Variants in THEMIS observed in about 807,000 individuals in gnomAD.
The protein encoded by THEMIS is thymocyte selection associated, also known as protein THEMIS.
Under a neutral mutation model 52.6 loss-of-function variants are expected in THEMIS, and 37 were observed. The ratio of observed to expected loss-of-function variants is 0.70; its 90% CI spans 0.54 to 0.93. The LOEUF (loss-of-function observed/expected upper bound fraction) is 0.93. Among genes scored for constraint, THEMIS ranks in the 40% least tolerant of loss-of-function variants. The pLI, the probability that THEMIS is intolerant of heterozygous loss-of-function variation, is 0.00. For synonymous variants in THEMIS, 292 were observed against 272.7 expected, an observed-to-expected ratio of 1.07 and a Z score of -0.70; for missense variants, 808 against 763.1, an observed-to-expected ratio of 1.06 and a Z score of -0.69.
At chr6:127,744,811 A>T (rs1420580492) in intron 4 of THEMIS, among the ~76,000 whole-genome samples, 1 of 151,854 alleles carries the variant, frequency 6.6e-6, no homozygotes, top group Non-Finnish European at 1.5e-5. Flanking sequence ...TTAAAAGGGT[A>T]GATCCCATGT....
At chr6:127,793,602 C>G (rs1281048217) in intron 4 of THEMIS, among the ~76,000 whole-genome samples, 5 of 152,192 alleles carry the variant, frequency 3.3e-5, no homozygotes, top group Admixed American at 3.3e-4. Context: ...TACCATCCCT[C>G]AAAATACCGC....
At chr6:127,769,352 G>GTTTTTTTTTTTTTTTTTTTTT (rs200806423) in intron 4 of THEMIS, among the ~76,000 whole-genome samples, 1 of 139,986 alleles carries the variant, frequency 7.1e-6, no homozygotes, top group Non-Finnish European at 1.6e-5. Flanking sequence ...GTTTTTTTTT[G>GTTTTTTTTTTTTTTTTTTTTT]TTTTTTTTTT....
At chr6:127,835,385 T>C (rs1778842550) in intron 2 of THEMIS, among the ~76,000 whole-genome samples, 1 of 152,172 alleles carries the variant, frequency 6.6e-6, no homozygotes, top group Non-Finnish European at 1.5e-5. Flanking sequence ...TTCCTTAACA[T>C]GTATACTTCA....
At chr6:127,757,074 G>C (rs912739225) in intron 4 of THEMIS, among the ~76,000 whole-genome samples, 4 of 152,106 alleles carry the variant, frequency 2.6e-5, no homozygotes, top group Non-Finnish European at 5.9e-5. Flanking sequence ...TTCTATATCT[G>C]TTTCTCCATT....
intron 4 of THEMIS, among the ~76,000 whole-genome samples, chr6:127,796,129 T>C (rs1477044001): frequency 2.0e-5 from 3 of 152,230 alleles, no homozygotes; most frequent in Non-Finnish European, 2.9e-5. Flanking sequence ...AGATTAAAAG[T>C]ATAGAACTAA....
At position 127,779,985 on chromosome 6, in the gene THEMIS, A is replaced by T. The variant is rs537176553; in HGVS notation, c.1758+32898T>A. On this transcript the variant is annotated intron_variant, in intron 4 of 5. Transcript: ENST00000368248. The stretch of plus-strand genomic sequence containing the variant: ...TTTCTGTCTTGTTGATCTGTCTAAT[A>T]TGGGCAGCAGAGTGTTAAAGTCTCC... 3.3e-5 allele frequency among the ~76,000 whole-genome samples: 5 copies of T among 152,260 alleles called. No homozygotes were observed. In the South Asian group the frequency reaches 1.0e-3, roughly 32 times the overall value.
intron 1 of THEMIS, among the ~76,000 whole-genome samples, chr6:127,882,611 C>T (rs549319571): frequency 6.6e-6 from 1 of 151,862 alleles, no homozygotes; most frequent in South Asian, 2.1e-4. Context: ...AATACTGGTG[C>T]TCTCTTTCCA....
At chr6:127,753,212 CAA>C (rs1212243571) in intron 4 of THEMIS, among the ~76,000 whole-genome samples, 2 of 151,934 alleles carry the variant, frequency 1.3e-5, no homozygotes, top group African/African-American at 4.8e-5. Context: ...ACATCATACT[CAA>C]GAGTAAAAAG....
rs532969369 is a variant in THEMIS, at chr6:127,879,717, GA to G, written c.91+21124del. 2.0e-5 allele frequency among the ~76,000 whole-genome samples: 3 copies of G among 151,266 alleles called. No individual in the cohort carries two copies. The South Asian group carries it at 6.3e-4, about 32-fold the overall frequency. ...TGCGGGCAGGGTGTAGAAAAAGAAAGAAAAAAAACGAGGACTTAGTGCAGTC... is the reference window on the plus strand; with the variant it reads ...TGCGGGCAGGGTGTAGAAAAAGAAAGAAAAAAACGAGGACTTAGTGCAGTC... On this transcript the variant is annotated intron_variant, in intron 1 of 5. Coordinates refer to ENST00000368248, the MANE Select transcript of THEMIS (RefSeq NM_001010923.3).
At chr6:127,716,533 T>C (rs1774167119) in intron 5 of THEMIS, among the ~76,000 whole-genome samples, 2 of 151,864 alleles carry the variant, frequency 1.3e-5, no homozygotes, top group Middle Eastern at 3.2e-3. Context: ...TGAAGAACCA[T>C]GCCAGCTCCA....
chr6:127,895,403 A>G (rs986009659), intron 1 of THEMIS, among the ~76,000 whole-genome samples: 17 of 151,636 alleles, frequency 1.1e-4, no homozygotes, highest in African/African-American at 3.9e-4. Context: ...AAACCAGTGA[A>G]ATAAAAAATA....
At chr6:127,744,041 T>A (rs1206596827) in intron 4 of THEMIS, among the ~76,000 whole-genome samples, 1 of 152,116 alleles carries the variant, frequency 6.6e-6, no homozygotes, top group Non-Finnish European at 1.5e-5. Flanking sequence ...ACATCTGGTA[T>A]CAGGTACAAG....
At position 127,709,676 on chromosome 6, in the gene THEMIS, A is replaced by G; in HGVS notation, c.*309T>C. 4.0e-6 allele frequency: 1 copy of G among 247,832 alleles called. No individual in the cohort carries two copies. Among genetic ancestry groups the G allele is most frequent in the Non-Finnish European group, 7.6e-6 (1 of 131,088 alleles). 15.4% of individuals were successfully genotyped at this position (247,832 alleles called of 1,614,324 possible). ...AAACTGAAATACAGAATTATTTCCC[A>G]ATTACTTAGTTGTTGGTAGTAGAAA... On this transcript the variant is annotated 3_prime_UTR_variant, in exon 6 of 6. Coordinates refer to ENST00000368248, the MANE Select transcript of THEMIS (RefSeq NM_001010923.3).
At chr6:127,916,630 G>A (rs960849802) in intron 1 of THEMIS, among the ~76,000 whole-genome samples, 1 of 152,212 alleles carries the variant, frequency 6.6e-6, no homozygotes, top group African/African-American at 2.4e-5. Flanking sequence ...ATTCATTTCA[G>A]TGGCTGACAA....
intron 4 of THEMIS, among the ~76,000 whole-genome samples, chr6:127,726,848 C>T (rs1374954727): frequency 6.6e-6 from 1 of 152,138 alleles, no homozygotes; most frequent in African/African-American, 2.4e-5. Flanking sequence ...GCTACTCTAA[C>T]GTTCTGTGAA....
intron 4 of THEMIS, among the ~76,000 whole-genome samples, chr6:127,785,203 C>T (rs944109525): frequency 3.5e-5 from 4 of 114,604 alleles, no homozygotes; most frequent in Admixed American, 8.6e-5. Context: ...TATCTACCTA[C>T]CTACCTATTA....
rs761720377 is a variant in THEMIS, at chr6:127,774,962, A to G, written c.1758+37921T>C. ...CTTACGATGAGGAGACATGATCAAG[A>G]GAACCACAATACATACCTCCACTTA... On this transcript the variant is annotated intron_variant, in intron 4 of 5. Coordinates refer to ENST00000368248, the MANE Select transcript of THEMIS (RefSeq NM_001010923.3). 1.3e-5 allele frequency among the ~76,000 whole-genome samples: 2 copies of G among 152,158 alleles called. 1 individual carries two copies. Among genetic ancestry groups the G allele is most frequent in the South Asian group, 4.1e-4 (2 of 4,822 alleles).
At chr6:127,732,272 T>G (rs55646841) in intron 4 of THEMIS, among the ~76,000 whole-genome samples, 10,525 of 152,110 alleles carry the variant, frequency 0.069, 481 homozygotes, top group Non-Finnish European at 0.098. Context: ...GATTTCAAAT[T>G]TTTGCCTTAC....
At chr6:127,849,001 A>G (rs975649218) in intron 2 of THEMIS, among the ~76,000 whole-genome samples, 38 of 152,166 alleles carry the variant, frequency 2.5e-4, no homozygotes, top group African/African-American at 9.1e-4. Context: ...GTCCTTGCCC[A>G]TGCCTATGTC....
Sources: allele counts gnomAD v4.1 joint callset (sites outside exome capture counted in the v4.1 genomes callset), GRCh38; gene constraint gnomAD v4.1.1; transcripts MANE v1.5; gene names NCBI Gene and HGNC (gene_info 2026-07-23, HGNC 2026-07-21).